MAGI2: variants seen among roughly 807,000 people sequenced by gnomAD.
MAGI2 encodes the protein membrane-associated guanylate kinase, WW and PDZ domain-containing protein 2.
Under a neutral mutation model 133.3 loss-of-function variants are expected in MAGI2, and 35 were observed. The ratio of observed to expected loss-of-function variants is 0.26; its 90% CI spans 0.20 to 0.35. The LOEUF is 0.35. Among genes scored for constraint, MAGI2 ranks in the 10% least tolerant of loss-of-function variants. The pLI is 1.00. For missense variants in MAGI2, 1,636 were observed against 1,863.4 expected, an observed-to-expected ratio of 0.88 and a Z score of 2.25; for synonymous variants, 729 against 710.6, an observed-to-expected ratio of 1.03 and a Z score of -0.41.
At chr7:78,539,932 G>A (rs1379495641) in intron 3 of MAGI2, among the ~76,000 whole-genome samples, 1 of 152,204 alleles carries the variant, frequency 6.6e-6, no homozygotes, top group Non-Finnish European at 1.5e-5. Flanking sequence ...GATGTTACTG[G>A]TGGTGGAATT....
intron 3 of MAGI2, among the ~76,000 whole-genome samples, chr7:78,612,091 T>G (rs561185848): frequency 1.3e-5 from 2 of 152,224 alleles, no homozygotes; most frequent in South Asian, 2.1e-4. Flanking sequence ...TTTCTACCTC[T>G]ACTATTGTTT....
chr7:79,351,295 T>G (rs1430510027), intron 1 of MAGI2, among the ~76,000 whole-genome samples: 2 of 152,170 alleles, frequency 1.3e-5, no homozygotes, highest in Non-Finnish European at 2.9e-5. Flanking sequence ...TGTTTTGTCT[T>G]GGTATGCATC....
intron 2 of MAGI2, among the ~76,000 whole-genome samples, chr7:78,846,118 C>A (rs1238156960): frequency 6.6e-6 from 1 of 151,454 alleles, no homozygotes; most frequent in East Asian, 1.9e-4. Flanking sequence ...GACAAGGTAC[C>A]ATGATGTGTT....
chr7:78,880,701 T>A (rs919733156), intron 2 of MAGI2, among the ~76,000 whole-genome samples: 1 of 152,140 alleles, frequency 6.6e-6, no homozygotes, highest in Admixed American at 6.5e-5. Context: ...AACTCCATGA[T>A]AGAATCAAAA....
chr7:79,258,920 T>C (rs116161497), intron 1 of MAGI2, among the ~76,000 whole-genome samples: 109 of 152,370 alleles, frequency 7.2e-4, no homozygotes, highest in African/African-American at 2.5e-3. Flanking sequence ...TCTTCAGAGC[T>C]CATGCTCTTA....
At chr7:79,101,616 C>T (rs936543246) in intron 1 of MAGI2, among the ~76,000 whole-genome samples, 1 of 148,008 alleles carries the variant, frequency 6.8e-6, no homozygotes, top group Non-Finnish European at 1.5e-5. Flanking sequence ...CCCAGCTACT[C>T]GGGAGGCTGA....
Position 79,392,329 on chromosome 7 carries a change from G to C in MAGI2, c.301+60691C>G, listed in dbSNP as rs1844717464. On this transcript the variant is annotated intron_variant, in intron 1 of 21. Transcript: ENST00000354212. ...TGCTGCAATAAACATACGTGTGCAT[G>C]TGTCTTTATAGTAGAACGATTTATA... is the stretch of plus-strand genomic sequence containing the variant. Among the ~76,000 whole-genome samples, 3 of 152,164 alleles carry C rather than the reference G, an allele frequency of 2.0e-5. 1 individual carries two copies. The highest frequency in any genetic ancestry group is 1.3e-4 in the Admixed American group (2 of 15,274).
intron 2 of MAGI2, among the ~76,000 whole-genome samples, chr7:78,887,438 G>A (rs28687577): frequency 0.011 from 1,673 of 152,308 alleles, 35 homozygotes; most frequent in African/African-American, 0.038. Flanking sequence ...AGTAATCAGC[G>A]TTTTAACAAG....
At chr7:78,971,254 A>G (rs1803763255) in intron 2 of MAGI2, among the ~76,000 whole-genome samples, 1 of 152,054 alleles carries the variant, frequency 6.6e-6, no homozygotes, top group Non-Finnish European at 1.5e-5. Flanking sequence ...GCTTATACAT[A>G]CATATGCTAT....
intron 21 of MAGI2, among the ~76,000 whole-genome samples, chr7:78,066,419 A>C (rs867873781): frequency 1.2e-4 from 18 of 151,706 alleles, no homozygotes; most frequent in African/African-American, 4.1e-4. Flanking sequence ...CCGACATAGC[A>C]CCACTGCACT....
At chr7:78,858,230 G>GT (rs1385772490) in intron 2 of MAGI2, among the ~76,000 whole-genome samples, 3 of 151,904 alleles carry the variant, frequency 2.0e-5, no homozygotes, top group South Asian at 2.1e-4. Flanking sequence ...CTTTTGAAGG[G>GT]TTTTTTTGTG....
intron 1 of MAGI2, among the ~76,000 whole-genome samples, chr7:79,061,296 G>GA (rs397940838): frequency 0.044 from 6,173 of 141,232 alleles, 391 homozygotes; most frequent in African/African-American, 0.15. Flanking sequence ...AGGACTGTTA[G>GA]AAAAAAAAAA....
intron 2 of MAGI2, among the ~76,000 whole-genome samples, chr7:78,812,443 G>T (rs1376823000): frequency 6.6e-6 from 1 of 152,084 alleles, no homozygotes; most frequent in East Asian, 1.9e-4. Context: ...CAATGCACAC[G>T]TCTTCTGGCA....
intron 21 of MAGI2, among the ~76,000 whole-genome samples, chr7:78,020,528 G>A (rs1461663434): frequency 6.6e-6 from 1 of 151,940 alleles, no homozygotes; most frequent in Admixed American, 6.6e-5. Context: ...CATTAGAATT[G>A]TCTTGGGCTA....
intron 5 of MAGI2, among the ~76,000 whole-genome samples, chr7:78,498,550 C>T (rs1199854099): frequency 6.6e-6 from 1 of 152,000 alleles, no homozygotes; most frequent in Non-Finnish European, 1.5e-5. Flanking sequence ...TCAGTGAATA[C>T]TAAAGAAAAA....
intron 9 of MAGI2, among the ~76,000 whole-genome samples, chr7:78,278,447 T>A (rs1270765836): frequency 6.6e-6 from 1 of 152,186 alleles, no homozygotes; most frequent in East Asian, 1.9e-4. Flanking sequence ...ATAAGCTCTC[T>A]GAAATAATAC....
rs933563506 is a variant in MAGI2 at position 79,311,547 on chromosome 7, T to A, written c.301+141473A>T. Among the ~76,000 whole-genome samples, 6 of 151,950 alleles carry A rather than the reference T, an allele frequency of 3.9e-5. No individual in the cohort carries two copies. The South Asian group carries it at 8.3e-4, about 21-fold the overall frequency. On this transcript the variant is annotated intron_variant, in intron 1 of 21. Transcript: ENST00000354212. ...GGCTTCTTTGCTTCTTATCTTCCCA[T>A]CCCTTTCCTTCTCCTCCCACCACCT...
chr7:78,542,424 G>A (rs1201447792), intron 3 of MAGI2, among the ~76,000 whole-genome samples: 1 of 152,122 alleles, frequency 6.6e-6, no homozygotes, highest in South Asian at 2.1e-4. Context: ...GGGAGCTTAA[G>A]AGCCCAGAAA....
intron 1 of MAGI2, among the ~76,000 whole-genome samples, chr7:79,230,687 T>C (rs1171224142): frequency 6.6e-6 from 1 of 152,082 alleles, no homozygotes; most frequent in Admixed American, 6.6e-5. Context: ...AGATTCTGGA[T>C]ATTAGCCCTT....
Sources: gnomAD v4.1 joint callset for allele counts (sites outside exome capture counted in the v4.1 genomes callset) on GRCh38, gnomAD v4.1.1 for gene constraint, MANE v1.5 for transcripts, NCBI Gene and HGNC (gene_info 2026-07-23, HGNC 2026-07-21) for gene names.